DCHS2: variants seen among roughly 807,000 people sequenced by gnomAD.
DCHS2 encodes dachsous cadherin-related 2.
In DCHS2, 142 loss-of-function variants were observed where a neutral mutation model predicts 182.4. That is an observed-to-expected ratio of 0.78 (90% confidence interval 0.68 to 0.89). DCHS2 has a LOEUF of 0.89. DCHS2 is among the 40% of genes least tolerant of loss of function. The pLI, the probability that DCHS2 is intolerant of heterozygous loss-of-function variation, is 0.00. For missense variants in DCHS2, 4,319 were observed against 4,198.6 expected (o/e 1.03, Z -0.79); for synonymous variants, 1,740 against 1,663.3 (o/e 1.05, Z -1.12).
rs1156744110 is a variant in DCHS2, at chr4:154,334,745, T to C, written c.2713+123A>G. 4.0e-6 allele frequency: 3 copies of C among 745,498 alleles called. No individual in the cohort carries two copies. In the African/African-American group the frequency reaches 5.3e-5, roughly 13 times the overall value. 46.2% of individuals were successfully genotyped at this position (745,498 alleles called of 1,614,324 possible). ...ACAAAGAGCAAGCCACAGTTTGTGT[T>C]ATCTCCCTTGTTTTGACTTGCGTGG... On this transcript the variant is annotated intron_variant, in intron 4 of 19. Transcript: ENST00000357232.
intron 2 of DCHS2, among the ~76,000 whole-genome samples, chr4:154,375,655 A>T (rs1579022134): frequency 6.6e-6 from 1 of 152,204 alleles, no homozygotes; most frequent in South Asian, 2.1e-4. Flanking sequence ...TATTATTTCT[A>T]TAATAAAAAA....
chr4:154,485,497 C>T (rs1391296815), intron 1 of DCHS2, among the ~76,000 whole-genome samples: 1 of 152,188 alleles, frequency 6.6e-6, no homozygotes, highest in Admixed American at 6.5e-5. Context: ...GTCATTCATT[C>T]ACAAGGACTG....
In DCHS2 at chr4:154,490,037, G is replaced by A; in HGVS notation, c.1319C>T (p.Ser440Leu). 2.6e-6 allele frequency: 4 copies of A among 1,547,820 alleles called. No individual in the cohort carries two copies. In the South Asian group the frequency reaches 3.6e-5, roughly 14 times the overall value. The change falls in exon 1 of 20, where the codon TCG becomes TTG. Residue 440 changes from serine to leucine, a missense_variant. Transcript: ENST00000357232. The part of the protein sequence containing the change: ...ARPGDYVARV[S>L]VSDADGDWEK... ...CCAGTCACCGTCCGCGTCAGACACCGAGACGCGAGCCACGTAGTCGCCCGG... is the reference window on the plus strand; with the variant it reads ...CCAGTCACCGTCCGCGTCAGACACCAAGACGCGAGCCACGTAGTCGCCCGG...
intron 2 of DCHS2, chr4:154,373,921 T>TTCG (rs777215959): frequency 1.2e-5 from 20 of 1,605,624 alleles, no homozygotes; most frequent in African/African-American, 4.0e-5. Context: ...GTTCCTTACC[T>TTCG]TCACCAGGGC....
chr4:154,388,494 AT>A (rs35945131), intron 1 of DCHS2, among the ~76,000 whole-genome samples: 187 of 130,670 alleles, frequency 1.4e-3, no homozygotes, highest in East Asian at 5.9e-3. Flanking sequence ...AATAGATGTA[AT>A]TTTTTTTTTT....
chr4:154,390,249 A>C, intron 1 of DCHS2, among the ~76,000 whole-genome samples: 1 of 137,608 alleles, frequency 7.3e-6, no homozygotes, highest in East Asian at 2.3e-4. Context: ...ATATCTCCCA[A>C]TGCTATCCCT....
Position 154,315,915 on chromosome 4 carries a change from T to C in DCHS2, c.5093A>G (p.Asp1698Gly), listed in dbSNP as rs760490146. 1.3e-5 allele frequency: 21 copies of C among 1,613,892 alleles called. No individual in the cohort carries two copies. The highest frequency in any genetic ancestry group is 2.2e-5 in the East Asian group (1 of 44,856). Residue 1698 changes from aspartate to glycine, a missense_variant, in exon 10 of 20, where the codon GAT becomes GGT. Transcript: ENST00000357232. ...TGAAGAAAGTGCTGGTGTGCCATCA[T>C]CCAGTGCCAGAACAGTCAGAATATG... ...TQHILTVLAL[D>G]DGTPALSSSQ... is the part of the protein sequence containing the mutation.
At chr4:154,373,473 C>A (rs749236653) in intron 2 of DCHS2, among the ~76,000 whole-genome samples, 40 of 152,114 alleles carry the variant, frequency 2.6e-4, no homozygotes, top group African/African-American at 9.4e-4. Flanking sequence ...TACACATACA[C>A]TCACATGAAA....
At chr4:154,347,145 G>A (rs1729398066) in intron 3 of DCHS2, among the ~76,000 whole-genome samples, 1 of 151,088 alleles carries the variant, frequency 6.6e-6, no homozygotes, top group African/African-American at 2.5e-5. Context: ...CAAATGCTAT[G>A]AATGTTAGAG....
At chr4:154,468,900 G>A (rs1735346225) in intron 1 of DCHS2, among the ~76,000 whole-genome samples, 2 of 152,096 alleles carry the variant, frequency 1.3e-5, no homozygotes, top group Non-Finnish European at 1.5e-5. Context: ...AGAGACTGGT[G>A]GAAGAAGAGA....
chr4:154,259,159 G>T (rs886755740), intron 15 of DCHS2, among the ~76,000 whole-genome samples: 1 of 152,116 alleles, frequency 6.6e-6, no homozygotes, highest in Non-Finnish European at 1.5e-5. Context: ...TGAAGACTTA[G>T]TGTAAATATC....
chr4:154,316,957 A>T lies in DCHS2; in HGVS notation c.5021-970T>A, dbSNP rs116113234. 2.0e-3 allele frequency among the ~76,000 whole-genome samples: 307 copies of T among 152,282 alleles called. 1 individual carries two copies. Among genetic ancestry groups the T allele is most frequent in the African/African-American group, 6.9e-3 (288 of 41,560 alleles). ...CCAATTATCACATTTTTCTTTTAGG[A>T]TTGCTGTTTGCTTCTCCCTTTTATA... On this transcript the variant is annotated intron_variant, in intron 9 of 19. Transcript: ENST00000357232.
chr4:154,379,710 T>C (rs1314361323), intron 1 of DCHS2, among the ~76,000 whole-genome samples: 1 of 152,278 alleles, frequency 6.6e-6, no homozygotes. Flanking sequence ...ATAATAAGCT[T>C]TTCATCAATA....
At chr4:154,323,341 A>G in intron 7 of DCHS2, 1 of 1,548,266 alleles carries the variant, frequency 6.5e-7, no homozygotes. Flanking sequence ...TGCCAAAAAA[A>G]AAAAAAAAGA....
intron 1 of DCHS2, among the ~76,000 whole-genome samples, chr4:154,458,123 G>C (rs1274118518): frequency 6.6e-6 from 1 of 150,564 alleles, no homozygotes; most frequent in Non-Finnish European, 1.5e-5. Flanking sequence ...GTTAAAAGAA[G>C]AAAAAAGTAC....
Position 154,320,835 on chromosome 4 carries a change from TCTC to T in DCHS2, c.4561_4563del (p.Glu1521del). On this transcript the variant is annotated inframe_deletion, in exon 9 of 20. Coordinates refer to ENST00000357232, the MANE Select transcript of DCHS2 (RefSeq NM_001358235.2). ...TACACCAGGGTTCCTATGGGAACAT[TCTC>T]CTCTACACTGATCACAATGAGCTCA... The T allele has an allele frequency of 6.2e-7, 1 of 1,614,012 alleles. No individual in the cohort carries two copies. Among genetic ancestry groups the T allele is most frequent in the Non-Finnish European group, 8.5e-7 (1 of 1,179,952 alleles).
chr4:154,252,763 C>A (rs2111145148), intron 16 of DCHS2, among the ~76,000 whole-genome samples: 2 of 151,880 alleles, frequency 1.3e-5, no homozygotes, highest in Middle Eastern at 3.4e-3. Flanking sequence ...CAAACCTCGG[C>A]TATTGTGAAT....
At chr4:154,486,269 T>C (rs1294533239) in intron 1 of DCHS2, among the ~76,000 whole-genome samples, 1 of 152,144 alleles carries the variant, frequency 6.6e-6, no homozygotes, top group Non-Finnish European at 1.5e-5. Flanking sequence ...CATGAGAATA[T>C]AAGAGTTCAG....
chr4:154,490,944 G>C lies in DCHS2; in HGVS notation c.412C>G (p.His138Asp). ...AGCGTGGCGGCGACGAAGCTGTAGT[G>C]GTCCCGCCGCTCGCGGTCCAGGCGC... ...ARRLDRERRD[H>D]YSFVAATLLG... The change falls in exon 1 of 20, where the codon CAC (histidine) becomes GAC (aspartate). Residue 138 changes from histidine to aspartate, a missense_variant. Physicochemically the swap from His to Asp is moderately conservative, Grantham distance 81 (BLOSUM62 -1). Coordinates refer to ENST00000357232, the MANE Select transcript of DCHS2 (RefSeq NM_001358235.2). 1.3e-6 allele frequency: 2 copies of C among 1,550,394 alleles called. No homozygotes were observed. Among genetic ancestry groups the C allele is most frequent in the Non-Finnish European group, 8.7e-7 (1 of 1,146,424 alleles).
Sources: allele counts gnomAD v4.1 joint callset (sites outside exome capture counted in the v4.1 genomes callset), GRCh38; gene constraint gnomAD v4.1.1; transcripts MANE v1.5; gene names NCBI Gene and HGNC (gene_info 2026-07-23, HGNC 2026-07-21).